Variants in SRP19 observed in about 807,000 individuals in gnomAD.
The protein encoded by SRP19 is signal recognition particle 19 kDa protein.
Under a neutral mutation model 22.4 loss-of-function variants are expected in SRP19, and 11 were observed. That is an observed-to-expected ratio of 0.49 (90% CI 0.31 to 0.81). The LOEUF (loss-of-function observed/expected upper bound fraction) is 0.81. Ranked by LOEUF, SRP19 falls within the 40% of genes least tolerant of loss-of-function variation. The pLI is 0.05. For synonymous variants in SRP19, 61 were observed against 57.6 expected, an observed-to-expected ratio of 1.06 and a Z score of -0.27; for missense variants, 168 against 175.9, an observed-to-expected ratio of 0.96 and a Z score of 0.25.
chr5:112,897,372 C>A (rs1364565480), downstream of SRP19: 1 of 151,356 alleles, frequency 6.6e-6, no homozygotes, highest in Non-Finnish European at 1.5e-5. Context: ...CACACACACA[C>A]ACACACACAC....
chr5:112,876,348 G>A (rs956693334), intron 4 of SRP19: 1 of 152,030 alleles, frequency 6.6e-6, no homozygotes, highest in African/African-American at 2.4e-5. Flanking sequence ...TTCTGGGTTA[G>A]GAAAAAAGCC....
At chr5:112,874,019 A>G (rs1767840130), downstream of SRP19, among the ~76,000 whole-genome samples, 1 of 152,014 alleles carries the variant, frequency 6.6e-6, no homozygotes, top group Non-Finnish European at 1.5e-5. Context: ...ATAAAAAATT[A>G]GATGTGCCTG....
chr5:112,873,792 A>G (rs534114722), downstream of SRP19, among the ~76,000 whole-genome samples: 3 of 150,664 alleles, frequency 2.0e-5, no homozygotes, highest in Non-Finnish European at 4.4e-5. Context: ...TTCTGTTTTT[A>G]TTTTGATCCC....
In SRP19 at chr5:112,891,890, A is replaced by T. The variant is rs761007217; in HGVS notation, c.*283A>T. The T allele has an allele frequency of 2.9e-6, 4 of 1,359,510 alleles. No individual in the cohort carries two copies. In the African/African-American group the frequency reaches 4.3e-5, roughly 15 times the overall value. 84.2% of individuals were successfully genotyped at this position (1,359,510 alleles called of 1,614,324 possible). ...TTACATGAGGAGTGGTTGCTGAGGG[A>T]GCAGAAGGCACAAGAAGAATTCAGA... is the stretch of plus-strand genomic sequence containing the variant. On this transcript the variant is annotated 3_prime_UTR_variant, in exon 5 of 5. Coordinates refer to the SRP19 transcript ENST00000391338.
At chr5:112,864,910 T>G in intron 4 of SRP19, 178 bp downstream of exon 4, 1 of 429,260 alleles carries the variant, frequency 2.3e-6, no homozygotes, top group East Asian at 3.4e-5. Flanking sequence ...GTGAATGACC[T>G]CTTTGAAAAT....
downstream of SRP19, chr5:112,893,567 T>A (rs139353330): frequency 6.5e-6 from 1 of 153,598 alleles, no homozygotes; most frequent in African/African-American, 2.4e-5. Flanking sequence ...CTCCAAAGCT[T>A]GTTTACTGAG....
At chr5:112,870,328 A>G (rs897830943), downstream of SRP19, among the ~76,000 whole-genome samples, 4 of 152,178 alleles carry the variant, frequency 2.6e-5, no homozygotes, top group African/African-American at 9.7e-5. Flanking sequence ...CTACAAAAAA[A>G]AGAATTAGCT....
At chr5:112,862,668 G>A (rs1228118327) in intron 2 of SRP19, 85 bp downstream of exon 2, 1 of 1,187,640 alleles carries the variant, frequency 8.4e-7, no homozygotes. Flanking sequence ...TAGAGCCGCA[G>A]GGGGTTCTCT....
chr5:112,863,162 C>T (rs1348544127), intron 2 of SRP19, among the ~76,000 whole-genome samples: 1 of 152,168 alleles, frequency 6.6e-6, no homozygotes, highest in Admixed American at 6.5e-5. Flanking sequence ...CAGTCACTGT[C>T]GCCTCCGCAT....
intron 1 of SRP19, among the ~76,000 whole-genome samples, chr5:112,861,929 A>G (rs558826412): frequency 3.3e-5 from 5 of 152,302 alleles, no homozygotes; most frequent in African/African-American, 1.2e-4. Flanking sequence ...TTATTTTTAA[A>G]TAAGTTAAAG....
chr5:112,864,081 A>G (rs1271917903), intron 2 of SRP19, among the ~76,000 whole-genome samples: 2 of 152,242 alleles, frequency 1.3e-5, no homozygotes, highest in Non-Finnish European at 2.9e-5. Context: ...TAGAGAATGC[A>G]TATATTCAGC....
chr5:112,870,486 AC>A (rs539545525), downstream of SRP19, among the ~76,000 whole-genome samples: 8 of 152,148 alleles, frequency 5.3e-5, no homozygotes, highest in East Asian at 1.2e-3. Context: ...AAAAAAAAAA[AC>A]GTACTGTGGT....
intron 4 of SRP19, chr5:112,881,867 T>TGA (rs1439533788): frequency 2.0e-5 from 3 of 152,068 alleles, no homozygotes; most frequent in Non-Finnish European, 4.4e-5. Flanking sequence ...CAGGCTCAGG[T>TGA]GATCCTCCCA....
intron 4 of SRP19, among the ~76,000 whole-genome samples, chr5:112,879,338 T>TG (rs1580725553): frequency 0.025 from 51 of 2,048 alleles, no homozygotes; most frequent in East Asian, 0.18. Context: ...GGGGGGGGGC[T>TG]GGGGGGGCGG....
intron 4 of SRP19, among the ~76,000 whole-genome samples, chr5:112,874,995 C>T (rs554434805): frequency 2.0e-5 from 3 of 152,010 alleles, no homozygotes; most frequent in Middle Eastern, 3.2e-3. Flanking sequence ...AGGCTGGTCT[C>T]GAACTTCTGA....
chr5:112,883,833 G>A (rs1212533133), intron 4 of SRP19, among the ~76,000 whole-genome samples: 3 of 151,978 alleles, frequency 2.0e-5, no homozygotes, highest in Non-Finnish European at 2.9e-5. Context: ...GTCTTCTCCA[G>A]CTCAGTGGCA....
downstream of SRP19, chr5:112,897,204 A>T (rs2150042469): frequency 6.6e-6 from 1 of 152,330 alleles, no homozygotes; most frequent in South Asian, 2.1e-4. Context: ...ACAGCAATAC[A>T]TACATATATA....
intron 4 of SRP19, among the ~76,000 whole-genome samples, chr5:112,886,597 G>A (rs982396478): frequency 2.6e-5 from 4 of 152,134 alleles, no homozygotes; most frequent in African/African-American, 9.7e-5. Flanking sequence ...AATTTACTAC[G>A]TAAATGCTTG....
At chr5:112,896,252 G>A (rs945672579), downstream of SRP19, 1 of 152,658 alleles carries the variant, frequency 6.6e-6, no homozygotes, top group Non-Finnish European at 1.5e-5. Flanking sequence ...AGGCACAGTG[G>A]CTTACGCCTG....
Sources: gnomAD v4.1 joint callset for allele counts (sites outside exome capture counted in the v4.1 genomes callset) on GRCh38, gnomAD v4.1.1 for gene constraint, MANE v1.5 for transcripts, NCBI Gene and HGNC (gene_info 2026-07-23, HGNC 2026-07-21) for gene names.